Variants in LZTFL1 observed in about 807,000 individuals in gnomAD.
The protein encoded by LZTFL1 is leucine zipper transcription factor-like protein 1.
A neutral mutation model predicts 45.9 loss-of-function variants in LZTFL1; 25 were observed. That is an observed-to-expected ratio of 0.54 (90% CI 0.40 to 0.76). LZTFL1 has a LOEUF of 0.76. Among genes scored for constraint, LZTFL1 ranks in the 30% least tolerant of loss-of-function variants. The probability of loss-of-function intolerance (pLI) is 0.00; values close to 1 mark genes in which losing one functional copy is unlikely to be tolerated. For synonymous variants in LZTFL1, 93 were observed against 117.4 expected (o/e 0.79, Z 1.35); for missense variants, 277 against 331.1 (o/e 0.84, Z 1.27).
intron 2 of LZTFL1, among the ~76,000 whole-genome samples, chr3:45,892,731 C>A (rs893867691): frequency 6.6e-6 from 1 of 151,926 alleles, no homozygotes; most frequent in Non-Finnish European, 1.5e-5. Context: ...AGGAAAAAAC[C>A]CACAAAAACA....
chr3:45,841,818 G>T, intron 1 of LZTFL1, 171 bp downstream of exon 1: 1 of 813,842 alleles, frequency 1.2e-6, no homozygotes, highest in Non-Finnish European at 2.0e-6. Context: ...GGCTTGGGCT[G>T]CGGTTAACCG....
intron 2 of LZTFL1, among the ~76,000 whole-genome samples, chr3:45,907,095 T>C (rs1179282397): frequency 1.3e-5 from 2 of 152,200 alleles, no homozygotes; most frequent in East Asian, 1.9e-4. Flanking sequence ...ATCCTGCCCA[T>C]GGCCGGTGGT....
At chr3:45,861,471 A>G (rs1125823) in intron 2 of LZTFL1, among the ~76,000 whole-genome samples, 84,867 of 151,968 alleles carry the variant, frequency 0.56, 24,007 homozygotes, top group East Asian at 0.69. Flanking sequence ...GCCTACAATA[A>G]AAACCATTTT....
intron 4 of LZTFL1, 88 bp from the exon 5 acceptor site, chr3:45,833,209 T>C: frequency 2.3e-6 from 2 of 884,350 alleles, no homozygotes; most frequent in Non-Finnish European, 1.9e-6. Flanking sequence ...AAGTGGAAGA[T>C]ACTATATATA....
At chr3:45,853,323 G>A (rs1298279904) in intron 4 of LZTFL1, among the ~76,000 whole-genome samples, 1 of 152,198 alleles carries the variant, frequency 6.6e-6, no homozygotes, top group African/African-American at 2.4e-5. Flanking sequence ...GGAATATTAT[G>A]AACATTAGGT....
chr3:45,831,046 A>G, intron 6 of LZTFL1, 27 bp downstream of exon 6: 1 of 1,606,548 alleles, frequency 6.2e-7, no homozygotes, highest in South Asian at 1.1e-5. Flanking sequence ...GCAGTTCAAT[A>G]ATTGTGTCAA....
In LZTFL1 at chr3:45,900,711, G is replaced by A; in HGVS notation, c.-215+12409C>T. ...ATGTGTCTTTGGCCTTATCATAGGT[G>A]TTTGGGGTTGGAAGGGTCAAGAGGT... On this transcript the variant is annotated intron_variant, in intron 2 of 4. Coordinates refer to the LZTFL1 transcript ENST00000472635. This position sits in a 1 kb window ranked among gnomAD's most constrained non-coding sequence, Gnocchi z 4.7. The A allele has an allele frequency of 1.6e-6, 2 of 1,228,414 alleles. No individual in the cohort carries two copies. The highest frequency in any genetic ancestry group is 4.4e-5 in the Admixed American group (2 of 45,670). 76.1% of individuals were successfully genotyped at this position (1,228,414 alleles called of 1,614,324 possible).
intron 3 of LZTFL1, among the ~76,000 whole-genome samples, chr3:45,855,426 G>A (rs914452789): frequency 1.3e-5 from 2 of 152,074 alleles, no homozygotes; most frequent in African/African-American, 4.8e-5. Flanking sequence ...AATAATAACA[G>A]CCATTTATGA....
intron 2 of LZTFL1, chr3:45,897,683 A>C: frequency 1.3e-5 from 17 of 1,350,236 alleles, no homozygotes; most frequent in Non-Finnish European, 1.7e-5. Flanking sequence ...GCCCCCTCTC[A>C]TTTGTTCCCC....
At chr3:45,842,205 A>T, upstream of LZTFL1, 9 of 1,427,180 alleles carry the variant, frequency 6.3e-6, no homozygotes, top group South Asian at 1.3e-4. Context: ...GTATTGCGTA[A>T]CCGGTTGACT....
rs771948402 is a variant in LZTFL1, at chr3:45,901,400, C to A, written c.-215+11720G>T. The A allele has an allele frequency of 6.2e-7, 1 of 1,614,176 alleles. No individual in the cohort carries two copies. The highest frequency in any genetic ancestry group is 1.1e-5 in the South Asian group (1 of 91,088). On this transcript the variant is annotated intron_variant, in intron 2 of 4. Coordinates refer to the LZTFL1 transcript ENST00000472635. The surrounding 1 kb of genome is among the most constrained non-coding windows in gnomAD (Gnocchi z 4.3). Reference sequence around the variant, plus strand: ...CTATCTGCACCATGGTTTACCCTAGCGATGAGAGCACCAAACTGAAGTCAG... The same window carrying A: ...CTATCTGCACCATGGTTTACCCTAGAGATGAGAGCACCAAACTGAAGTCAG...
At chr3:45,833,840 A>G (rs577666722) in intron 4 of LZTFL1, among the ~76,000 whole-genome samples, 1 of 152,304 alleles carries the variant, frequency 6.6e-6, no homozygotes. Context: ...TATTGTCTCC[A>G]TTTGTCAGAT....
chr3:45,849,119 A>T (rs1701268689), intron 4 of LZTFL1, among the ~76,000 whole-genome samples: 1 of 152,258 alleles, frequency 6.6e-6, no homozygotes, highest in Non-Finnish European at 1.5e-5. Flanking sequence ...ACCATCCAGC[A>T]GGACAGACGG....
rs559576247 is a variant in LZTFL1, at chr3:45,901,304, C to T, written c.-215+11816G>A. On this transcript the variant is annotated intron_variant, in intron 2 of 4. Transcript: ENST00000472635. This position sits in a 1 kb window ranked among gnomAD's most constrained non-coding sequence, Gnocchi z 4.3. The stretch of plus-strand genomic sequence containing the variant: ...ACAGCAAAATGGTTTGCTTTACCAT[C>T]TGGGTATTGGCAGCTGCTCTCTGCA... The T allele has an allele frequency of 6.2e-7, 1 of 1,614,200 alleles. No individual in the cohort carries two copies. The highest frequency in any genetic ancestry group is 8.5e-7 in the Non-Finnish European group (1 of 1,180,036).
intron 2 of LZTFL1, among the ~76,000 whole-genome samples, chr3:45,891,433 T>C (rs981000740): frequency 6.6e-6 from 1 of 152,184 alleles, no homozygotes. Context: ...ATTATTCTCC[T>C]TCTCTCTATA....
chr3:45,894,120 G>A (rs1702274604), intron 2 of LZTFL1, among the ~76,000 whole-genome samples: 1 of 152,186 alleles, frequency 6.6e-6, no homozygotes, highest in African/African-American at 2.4e-5. Context: ...CAGTCAAGCT[G>A]TTGTTTCTTT....
intron 2 of LZTFL1, among the ~76,000 whole-genome samples, chr3:45,865,173 C>A (rs1486532923): frequency 6.6e-6 from 1 of 152,202 alleles, no homozygotes; most frequent in South Asian, 2.1e-4. Flanking sequence ...CCACAGGCAG[C>A]CTTTCCTGAG....
chr3:45,914,278 T>C (rs995779484), intron 1 of LZTFL1, among the ~76,000 whole-genome samples: 14 of 135,908 alleles, frequency 1.0e-4, no homozygotes, highest in Non-Finnish European at 2.0e-4. Flanking sequence ...GTGGTGCCCA[T>C]GGATCTGCAT....
At chr3:45,838,311 C>T (rs1384599081) in intron 1 of LZTFL1, among the ~76,000 whole-genome samples, 4 of 152,086 alleles carry the variant, frequency 2.6e-5, no homozygotes, top group Admixed American at 6.5e-5. Flanking sequence ...TGGGGTGTAC[C>T]TCTGCCCCTC....
Sources: allele counts gnomAD v4.1 joint callset (sites outside exome capture counted in the v4.1 genomes callset), GRCh38; gene constraint gnomAD v4.1.1; non-coding constraint Gnocchi (gnomAD v3.1); transcripts MANE v1.5; gene names NCBI Gene and HGNC (gene_info 2026-07-23, HGNC 2026-07-21).